The following HBP1 variants were observed in gnomAD, a reference collection of about 807,000 sequenced individuals.
HBP1 encodes HMG-box transcription factor 1.
Under a neutral mutation model 62.6 loss-of-function variants are expected in HBP1, and 20 were observed. The observed-to-expected ratio is 0.32, with a 90% CI of 0.22 to 0.46. The LOEUF (loss-of-function observed/expected upper bound fraction) is 0.46. Among genes scored for constraint, HBP1 ranks in the 20% least tolerant of loss-of-function variants. The pLI, the probability that HBP1 is intolerant of heterozygous loss-of-function variation, is 1.00. For missense variants in HBP1, 480 were observed against 611.8 expected (o/e 0.78, Z 2.27); for synonymous variants, 232 against 206.2 (o/e 1.12, Z -1.07).
chr7:107,198,249 C>T (rs781229746), intron 9 of HBP1, among the ~76,000 whole-genome samples: 2 of 151,938 alleles, frequency 1.3e-5, no homozygotes, highest in Middle Eastern at 3.4e-3. Flanking sequence ...TGCTCTGTCA[C>T]GCAGGCTGTA....
chr7:107,198,683 T>G (rs200457095), intron 9 of HBP1, among the ~76,000 whole-genome samples: 1 of 152,064 alleles, frequency 6.6e-6, no homozygotes, highest in Non-Finnish European at 1.5e-5. Flanking sequence ...ATTCAATGAA[T>G]AAATTCTCAT....
In HBP1 at chr7:107,195,823, T is replaced by A. The variant is rs556227602; in HGVS notation, c.1068-11T>A. The A allele has an allele frequency of 9.5e-5, 118 of 1,245,982 alleles. No homozygotes were observed. Among genetic ancestry groups the A allele is most frequent in the African/African-American group, 5.8e-4 (38 of 66,074 alleles). The allele number at this position is 1,245,982 out of a possible 1,614,324, so 77.2% of individuals were successfully genotyped here. On this transcript the variant is annotated splice_polypyrimidine_tract_variant and intron_variant, in intron 8 of 10. Transcript: ENST00000222574. ...TGAATTAAAATATTATTATTTTTTTTAATTTTATAGCTATGACTTCACACC... is the reference window on the plus strand; with the variant it reads ...TGAATTAAAATATTATTATTTTTTTAAATTTTATAGCTATGACTTCACACC...
intron 6 of HBP1, 52 bp downstream of exon 6, chr7:107,186,733 GATTT>G (rs2115903172): frequency 1.0e-6 from 1 of 992,530 alleles, no homozygotes; most frequent in Non-Finnish European, 1.6e-6. Flanking sequence ...AATGAAACAA[GATTT>G]ATTGTTAATC....
At chr7:107,178,926 A>G (rs1796982397) in intron 1 of HBP1, among the ~76,000 whole-genome samples, 1 of 152,064 alleles carries the variant, frequency 6.6e-6, no homozygotes. Context: ...CCCAGCTACT[A>G]GGGAGGGTTA....
chr7:107,170,419 C>T (rs1375709605), intron 1 of HBP1, among the ~76,000 whole-genome samples: 2 of 151,638 alleles, frequency 1.3e-5, no homozygotes, highest in African/African-American at 4.9e-5. Context: ...ATGTCTTGTA[C>T]TTTTGGTTTT....
In HBP1 at chr7:107,201,651, AT is replaced by A. The variant is rs907598098; in HGVS notation, c.*225del. 17 of 413,998 alleles carry A rather than the reference AT, an allele frequency of 4.1e-5. No individual in the cohort carries two copies. The Admixed American group carries it at 4.2e-4, about 10-fold the overall frequency. 25.6% of individuals were successfully genotyped at this position (413,998 alleles called of 1,614,324 possible). A position where few individuals can be genotyped will look rare whatever the true frequency, so the allele number is the denominator to read the frequency against. The stretch of plus-strand genomic sequence containing the variant: ...TCAACATTTTAAACCAAATTGCCTT[AT>A]TTTTCTTCCAAACTTCATATATGTC... On this transcript the variant is annotated 3_prime_UTR_variant, in exon 11 of 11. Transcript: ENST00000222574.
At chr7:107,196,468 C>G (rs571760066) in intron 9 of HBP1, 2 of 350,606 alleles carry the variant, frequency 5.7e-6, no homozygotes, top group Non-Finnish European at 1.1e-5. Flanking sequence ...CAGGGTTTCA[C>G]CATGTTGGCC....
At chr7:107,171,073 A>ATATATATATTTTTTT in intron 1 of HBP1, among the ~76,000 whole-genome samples, 3 of 87,194 alleles carry the variant, frequency 3.4e-5, no homozygotes, top group South Asian at 3.1e-4. Flanking sequence ...ATATATATAT[A>ATATATATATTTTTTT]TTTTTTTTTT....
chr7:107,200,911 T>G (rs1207328079), intron 10 of HBP1: 1 of 152,778 alleles, frequency 6.5e-6, no homozygotes, highest in African/African-American at 2.4e-5. Context: ...GTTTTTAGAT[T>G]AATTGCAAAA....
intron 1 of HBP1, among the ~76,000 whole-genome samples, chr7:107,176,517 C>G (rs1796859689): frequency 6.6e-6 from 1 of 151,976 alleles, no homozygotes; most frequent in South Asian, 2.1e-4. Flanking sequence ...ATTTAGCAAC[C>G]ATTTTTAGCC....
At chr7:107,169,565 C>T (rs541988754) in intron 1 of HBP1, among the ~76,000 whole-genome samples, 1 of 137,396 alleles carries the variant, frequency 7.3e-6, no homozygotes, top group Non-Finnish European at 1.5e-5. Context: ...TTCAACTCCC[C>T]GTTTGTGGGC....
At chr7:107,184,585 A>G (rs1380106329) in intron 3 of HBP1, among the ~76,000 whole-genome samples, 1 of 152,096 alleles carries the variant, frequency 6.6e-6, no homozygotes, top group African/African-American at 2.4e-5. Flanking sequence ...ATCTCGGCTC[A>G]CTGCAAGCTC....
chr7:107,173,543 T>C (rs1796704081), intron 1 of HBP1: 1 of 152,222 alleles, frequency 6.6e-6, no homozygotes, highest in African/African-American at 2.4e-5. Flanking sequence ...CACAGAGTTG[T>C]TCTGAGTTTA....
At chr7:107,196,597 G>C in intron 9 of HBP1, 1 of 253,784 alleles carries the variant, frequency 3.9e-6, no homozygotes, top group Middle Eastern at 1.5e-3. Context: ...AAGTTTAAGT[G>C]GAATTTTTAG....
chr7:107,171,416 G>T (rs951359380), intron 1 of HBP1, among the ~76,000 whole-genome samples: 1 of 151,890 alleles, frequency 6.6e-6, no homozygotes, highest in Non-Finnish European at 1.5e-5. Context: ...AATCGAAGTG[G>T]CCAGTGAAGA....
intron 1 of HBP1, among the ~76,000 whole-genome samples, chr7:107,179,205 T>G (rs192462270): frequency 8.6e-5 from 13 of 151,036 alleles, no homozygotes; most frequent in Admixed American, 8.6e-4. Flanking sequence ...GTTTTTAAAT[T>G]TCCTTTTGAA....
At chr7:107,180,361 TGA>T in intron 2 of HBP1, among the ~76,000 whole-genome samples, 1 of 152,368 alleles carries the variant, frequency 6.6e-6, no homozygotes, top group Middle Eastern at 3.4e-3. Context: ...GAAATATACT[TGA>T]GAGAGCTCAG....
At chr7:107,171,983 T>C (rs1463826658) in intron 1 of HBP1, among the ~76,000 whole-genome samples, 4 of 151,840 alleles carry the variant, frequency 2.6e-5, no homozygotes, top group African/African-American at 9.7e-5. Context: ...AGCTGCCAGA[T>C]ACCTGCATAT....
rs564318730 is a variant in HBP1 at position 107,197,262 on chromosome 7, T to C, written c.1385+1111T>C. 2.6e-5 allele frequency: 4 copies of C among 152,322 alleles called. No individual in the cohort carries two copies. In the South Asian group the frequency reaches 8.3e-4, roughly 32 times the overall value. The allele number at this position is 152,322 out of a possible 1,614,324, so 9.4% of individuals were successfully genotyped here. ...AGGATCAAAACTACCATTTGCTTTA[T>C]CTTGATATCATGAGAAAAGTCATTA... is the stretch of plus-strand genomic sequence containing the variant. On this transcript the variant is annotated intron_variant, in intron 9 of 10. Coordinates refer to ENST00000222574, the MANE Select transcript of HBP1 (RefSeq NM_012257.4).
Sources: allele counts gnomAD v4.1 joint callset (sites outside exome capture counted in the v4.1 genomes callset), GRCh38; gene constraint gnomAD v4.1.1; transcripts MANE v1.5; gene names NCBI Gene and HGNC (gene_info 2026-07-23, HGNC 2026-07-21).